The following LRP11 variants were observed in gnomAD, a reference collection of about 807,000 sequenced individuals.
LRP11 encodes LDL receptor related protein 11, also known as low-density lipoprotein receptor-related protein 11.
Under a neutral mutation model 43.1 loss-of-function variants are expected in LRP11, and 25 were observed. The ratio of observed to expected loss-of-function variants is 0.58; its 90% CI spans 0.42 to 0.81. LRP11 has a LOEUF of 0.81. Among genes scored for constraint, LRP11 ranks in the 30% least tolerant of loss-of-function variants. LRP11 has a pLI of 0.00. For synonymous variants in LRP11, 316 were observed against 299.4 expected (o/e 1.06, Z -0.57); for missense variants, 623 against 665.1 (o/e 0.94, Z 0.70).
intron 3 of LRP11, chr6:149,842,697 CA>C: frequency 6.5e-7 from 1 of 1,550,294 alleles, no homozygotes; most frequent in South Asian, 1.2e-5. Context: ...AGTCCTCTCC[CA>C]GAATAGCCAA....
At chr6:149,856,200 C>CA (rs1296025047) in intron 1 of LRP11, among the ~76,000 whole-genome samples, 1 of 152,150 alleles carries the variant, frequency 6.6e-6, no homozygotes, top group African/African-American at 2.4e-5. Flanking sequence ...TAAAAACTCT[C>CA]AAAGATTTAA....
intron 2 of LRP11, among the ~76,000 whole-genome samples, chr6:149,847,783 G>A (rs1202125909): frequency 6.8e-6 from 1 of 147,540 alleles, no homozygotes; most frequent in Non-Finnish European, 1.5e-5. Flanking sequence ...TCAGTGGCTA[G>A]CAATACACGT....
chr6:149,826,073 A>G, intron 6 of LRP11, 191 bp downstream of exon 6: 1 of 581,508 alleles, frequency 1.7e-6, no homozygotes, highest in Non-Finnish European at 3.1e-6. Context: ...GCTGAGGTCC[A>G]AAGATGGAAG....
intron 5 of LRP11, among the ~76,000 whole-genome samples, chr6:149,831,383 C>T (rs1776406508): frequency 6.6e-6 from 1 of 152,208 alleles, no homozygotes; most frequent in Non-Finnish European, 1.5e-5. Flanking sequence ...AGATTTCTTT[C>T]CTCGGGGTAG....
chr6:149,858,180 T>C (rs1053626536), intron 1 of LRP11, among the ~76,000 whole-genome samples: 1 of 152,230 alleles, frequency 6.6e-6, no homozygotes, highest in African/African-American at 2.4e-5. Context: ...TAGGTATTTG[T>C]CCTAATGCTA....
At chr6:149,848,712 C>T (rs961386287) in intron 2 of LRP11, among the ~76,000 whole-genome samples, 7 of 151,608 alleles carry the variant, frequency 4.6e-5, no homozygotes, top group Middle Eastern at 3.2e-3. Context: ...AACAGCACAA[C>T]GCTGGGACCT....
Position 149,826,264 on chromosome 6 carries a change from C to G in LRP11, c.1348G>C (p.Gly450Arg). 6.2e-7 allele frequency: 1 copy of G among 1,610,564 alleles called. No individual in the cohort carries two copies. The highest frequency in any genetic ancestry group is 8.5e-7 in the Non-Finnish European group (1 of 1,176,742). Residue 450 changes from glycine (G) to arginine (R), a missense_variant and splice_region_variant, in exon 6 of 7, where the codon GGT becomes CGT. Gly to Arg is a moderately radical substitution (Grantham distance 125). Transcript: ENST00000239367. ...AAGGGTTTCCAAGGTGGACATTTAC[C>G]TGTTTCTGGGGCTGGGTGTTCCCCT... ...GGGEHPAPET[G>R]AVLPLALGLA... is the part of the protein sequence containing the mutation.
chr6:149,831,936 TAC>T (rs1776412837), intron 5 of LRP11, among the ~76,000 whole-genome samples: 1 of 152,202 alleles, frequency 6.6e-6, no homozygotes, highest in South Asian at 2.1e-4. Context: ...GTGCTGGGAT[TAC>T]AGGTGTGAGC....
Position 149,819,533 on chromosome 6 carries a change from T to A in LRP11, c.*1016A>T, listed in dbSNP as rs1172754261. ...AACTGCTTTATGGTCTAGAAATACG[T>A]AAGCCTGGCATTAGCTGATGGCACA... On this transcript the variant is annotated 3_prime_UTR_variant, in exon 7 of 7. Transcript: ENST00000239367. 6.6e-6 allele frequency: 1 copy of A among 152,634 alleles called. No individual in the cohort carries two copies. Among genetic ancestry groups the A allele is most frequent in the Non-Finnish European group, 1.5e-5 (1 of 68,030 alleles). The allele number at this position is 152,634 out of a possible 1,614,324, so 9.5% of individuals were successfully genotyped here. A position where few individuals can be genotyped will look rare whatever the true frequency, so the allele number is the denominator to read the frequency against.
intron 6 of LRP11, among the ~76,000 whole-genome samples, chr6:149,825,438 C>T (rs1486664236): frequency 2.6e-5 from 4 of 152,134 alleles, no homozygotes; most frequent in African/African-American, 7.2e-5. Context: ...CTTCTTTCAT[C>T]GTAAATAACT....
At chr6:149,858,436 A>G (rs1396951701) in intron 1 of LRP11, among the ~76,000 whole-genome samples, 1 of 152,162 alleles carries the variant, frequency 6.6e-6, no homozygotes, top group East Asian at 1.9e-4. Context: ...TTCTTAATCC[A>G]GTCTATTATT....
intron 5 of LRP11, among the ~76,000 whole-genome samples, chr6:149,831,098 G>A (rs925721988): frequency 2.6e-5 from 4 of 152,202 alleles, no homozygotes; most frequent in Non-Finnish European, 5.9e-5. Context: ...GTTACTTTTG[G>A]TAATGATCCT....
At chr6:149,857,588 C>T (rs1182412383) in intron 1 of LRP11, among the ~76,000 whole-genome samples, 5 of 151,826 alleles carry the variant, frequency 3.3e-5, no homozygotes, top group African/African-American at 9.7e-5. Flanking sequence ...GAGGACTGGA[C>T]TGCCTTTGCA....
intron 2 of LRP11, among the ~76,000 whole-genome samples, chr6:149,846,578 T>C (rs952961006): frequency 1.3e-5 from 2 of 152,114 alleles, no homozygotes; most frequent in East Asian, 3.9e-4. Flanking sequence ...GTGACGGGGA[T>C]GCTGAGTCAT....
rs555641120 is a variant in LRP11, at chr6:149,836,271, G to C, written c.1066C>G (p.His356Asp). ...GGCAGGGCAGGACTAGCTGCCGTGT[G>C]GGTTACCATCTTGCGGTCCAGGCCC... Reference protein sequence around the residue: ...NLGLDRKMVTHTAASPALPRT... With the variant: ...NLGLDRKMVTDTAASPALPRT... Residue 356 changes from histidine to aspartate, a missense_variant, in exon 5 of 7, where the codon CAC becomes GAC. By Grantham distance (81) the His-to-Asp change is moderately conservative (BLOSUM62 -1). Transcript: ENST00000239367. 6.2e-7 allele frequency: 1 copy of C among 1,614,184 alleles called. No individual in the cohort carries two copies. The highest frequency in any genetic ancestry group is 1.3e-5 in the African/African-American group (1 of 75,040).
chr6:149,827,839 T>C lies in LRP11; in HGVS notation c.1253-1480A>G, dbSNP rs1307879892. 3.3e-5 allele frequency among the ~76,000 whole-genome samples: 5 copies of C among 152,142 alleles called. No individual in the cohort carries two copies. The highest frequency in any genetic ancestry group is 3.3e-4 in the Admixed American group (5 of 15,264). ...CGCAGTGGCTCATGCCTGGCCAACA[T>C]GGCAAAACCCTGTCTCTACTTAAAA... On this transcript the variant is annotated intron_variant, in intron 5 of 6. Transcript: ENST00000239367. This position sits in a 1 kb window ranked among gnomAD's most constrained non-coding sequence, Gnocchi z 4.2.
rs1777003757 is a variant in LRP11, at chr6:149,864,281, T to C, written c.-261A>G. 2.8e-6 allele frequency: 3 copies of C among 1,054,092 alleles called. No homozygotes were observed. Among genetic ancestry groups the C allele is most frequent in the African/African-American group, 3.4e-5 (2 of 59,044 alleles). 65.3% of individuals were successfully genotyped at this position (1,054,092 alleles called of 1,614,324 possible). A position where few individuals can be genotyped will look rare whatever the true frequency, so the allele number is the denominator to read the frequency against. ...CGGAGACTGCCCAGCGCCCTGCGCC[T>C]CTCCGCCCCGGCCTGCGGCGCGCTG... On this transcript the variant is annotated 5_prime_UTR_variant, in exon 1 of 7. Transcript: ENST00000239367.
At position 149,846,936 on chromosome 6, in the gene LRP11, T is replaced by TATAAAATAAA. The variant is rs1179374188; in HGVS notation, c.772-3822_772-3813dup. On this transcript the variant is annotated intron_variant, in intron 2 of 6. Coordinates refer to ENST00000239367, the MANE Select transcript of LRP11 (RefSeq NM_032832.6). ...GTGACAGAGCGAGATCCTATCTCAA[T>TATAAAATAAA]ATAAAATAAAATAAAATAATAGAAT... Among the ~76,000 whole-genome samples the TATAAAATAAA allele has an allele frequency of 4.3e-5, 6 of 138,056 alleles. No homozygotes were observed. In the Admixed American group the frequency reaches 4.5e-4, roughly 10 times the overall value. 90.6% of individuals were successfully genotyped at this position (138,056 alleles called of 152,430 possible). A position where few individuals can be genotyped will look rare whatever the true frequency, so the allele number is the denominator to read the frequency against.
intron 6 of LRP11, among the ~76,000 whole-genome samples, chr6:149,825,286 C>A (rs1294403917): frequency 6.6e-6 from 1 of 152,144 alleles, no homozygotes; most frequent in East Asian, 1.9e-4. Flanking sequence ...TAGTTAAAAT[C>A]AACCAAAATT....
Sources: gnomAD v4.1 joint callset for allele counts (sites outside exome capture counted in the v4.1 genomes callset) on GRCh38, gnomAD v4.1.1 for gene constraint, Gnocchi (gnomAD v3.1) non-coding constraint, MANE v1.5 for transcripts, NCBI Gene and HGNC (gene_info 2026-07-23, HGNC 2026-07-21) for gene names.